The following ARFIP1 variants were observed in gnomAD, a reference collection of about 807,000 sequenced individuals.
The protein encoded by ARFIP1 is arfaptin-1.
A neutral mutation model predicts 42.5 loss-of-function variants in ARFIP1; 24 were observed. That is an observed-to-expected ratio of 0.57 (90% confidence interval 0.41 to 0.80). ARFIP1 has a LOEUF of 0.80. ARFIP1 is among the 30% of genes least tolerant of loss of function. The pLI is 0.00. For synonymous variants in ARFIP1, 141 were observed against 153.7 expected, an observed-to-expected ratio of 0.92 and a Z score of 0.61; for missense variants, 354 against 434.0, an observed-to-expected ratio of 0.82 and a Z score of 1.64.
At position 152,888,296 on chromosome 4, in the gene ARFIP1, GAAGAA is replaced by G; in HGVS notation, c.958_962del (p.Glu320Ter). On this transcript the variant is annotated frameshift_variant, in exon 8 of 9. Transcript: ENST00000353617. LOFTEE classifies it high-confidence loss of function. The stretch of plus-strand genomic sequence containing the variant: ...TGTTTCTGTCAAATTGAAATTTCTA[GAAGAA>G]AATAAGGTAAATTCTTTACCTTCTA... The G allele has an allele frequency of 6.2e-7, 1 of 1,602,496 alleles. No individual in the cohort carries two copies. Among genetic ancestry groups the G allele is most frequent in the Non-Finnish European group, 8.5e-7 (1 of 1,174,160 alleles).
In ARFIP1 at chr4:152,912,220, A is replaced by G. The variant is rs1021853198; in HGVS notation, c.*2001A>G. 1.3e-5 allele frequency: 2 copies of G among 152,170 alleles called. No individual in the cohort carries two copies. Among genetic ancestry groups the G allele is most frequent in the African/African-American group, 4.8e-5 (2 of 41,448 alleles). The allele number at this position is 152,170 out of a possible 1,614,324, so 9.4% of individuals were successfully genotyped here. A position where few individuals can be genotyped will look rare whatever the true frequency, so the allele number is the denominator to read the frequency against. On this transcript the variant is annotated 3_prime_UTR_variant, in exon 9 of 9. Transcript: ENST00000353617. Reference sequence around the variant, plus strand: ...CATGACCAAAAGAAAAAAGTAAATCAATATATTTAGCCAATGGTACATTTA... The same window carrying G: ...CATGACCAAAAGAAAAAAGTAAATCGATATATTTAGCCAATGGTACATTTA...
At chr4:152,840,368 T>C (rs1306795470) in intron 2 of ARFIP1, among the ~76,000 whole-genome samples, 2 of 152,186 alleles carry the variant, frequency 1.3e-5, no homozygotes, top group African/African-American at 2.4e-5. Flanking sequence ...CCCACTATTA[T>C]TGTGTTGCTG....
At chr4:152,796,970 A>G (rs1731508276) in intron 1 of ARFIP1, 1 of 247,210 alleles carries the variant, frequency 4.0e-6, no homozygotes, top group Non-Finnish European at 7.6e-6. Flanking sequence ...TTTGCTTTGC[A>G]TGTACTATGT....
chr4:152,781,394 G>T (rs1241180579), intron 1 of ARFIP1, among the ~76,000 whole-genome samples: 1 of 151,866 alleles, frequency 6.6e-6, no homozygotes, highest in African/African-American at 2.4e-5. Context: ...CGCCACTACC[G>T]CCTAGCTAAT....
At chr4:152,823,461 G>T (rs1036004957) in intron 1 of ARFIP1, among the ~76,000 whole-genome samples, 1 of 152,162 alleles carries the variant, frequency 6.6e-6, no homozygotes, top group Admixed American at 6.5e-5. Flanking sequence ...GGAGACAGCT[G>T]AATTCTACCA....
chr4:152,864,913 CTTTTTTTTTTTT>C (rs34123163), intron 3 of ARFIP1, among the ~76,000 whole-genome samples: 1 of 112,484 alleles, frequency 8.9e-6, no homozygotes, highest in Non-Finnish European at 1.8e-5. Flanking sequence ...CTTTTTTAAA[CTTTTTTTTTTTT>C]TTTTTTTTTT....
At chr4:152,811,098 T>G (rs1561114341) in intron 1 of ARFIP1, among the ~76,000 whole-genome samples, 1 of 150,598 alleles carries the variant, frequency 6.6e-6, no homozygotes, top group Non-Finnish European at 1.5e-5. Flanking sequence ...GCCTTTTTTT[T>G]TTTTTTTTTT....
chr4:152,907,205 G>C (rs943735333), intron 8 of ARFIP1, among the ~76,000 whole-genome samples: 2 of 152,170 alleles, frequency 1.3e-5, no homozygotes, highest in Admixed American at 6.5e-5. Flanking sequence ...GTATGACCCT[G>C]TGTAATATTT....
chr4:152,825,098 A>C (rs533189051), intron 1 of ARFIP1, among the ~76,000 whole-genome samples: 3 of 152,204 alleles, frequency 2.0e-5, no homozygotes, highest in Non-Finnish European at 4.4e-5. Context: ...GAATGAAAAT[A>C]CATTCCATAA....
intron 2 of ARFIP1, among the ~76,000 whole-genome samples, chr4:152,838,052 GTTA>G (rs1731791565): frequency 6.6e-6 from 1 of 152,036 alleles, no homozygotes; most frequent in African/African-American, 2.4e-5. Context: ...CCCACTTTAT[GTTA>G]TTGTTTGCTT....
chr4:152,824,566 A>C (rs1730662803), intron 1 of ARFIP1, among the ~76,000 whole-genome samples: 1 of 152,194 alleles, frequency 6.6e-6, no homozygotes, highest in South Asian at 2.1e-4. Flanking sequence ...TATGTGACAC[A>C]CTCAACAGCC....
chr4:152,892,214 C>T (rs1041832698), intron 8 of ARFIP1, among the ~76,000 whole-genome samples: 5 of 152,246 alleles, frequency 3.3e-5, no homozygotes, highest in Admixed American at 2.6e-4. Flanking sequence ...GCTAGTCATC[C>T]TATTTCTTAA....
intron 1 of ARFIP1, among the ~76,000 whole-genome samples, chr4:152,800,213 T>C (rs375553784): frequency 1.1e-4 from 16 of 152,198 alleles, no homozygotes; most frequent in African/African-American, 3.9e-4. Flanking sequence ...AGTATTCTAC[T>C]AATTTAAACC....
intron 1 of ARFIP1, among the ~76,000 whole-genome samples, chr4:152,802,022 T>C (rs1728460736): frequency 6.6e-6 from 1 of 152,212 alleles, no homozygotes; most frequent in Non-Finnish European, 1.5e-5. Flanking sequence ...ACCTAATAGT[T>C]TTGAACCATG....
At chr4:152,843,084 TC>T (rs1380131150) in intron 2 of ARFIP1, among the ~76,000 whole-genome samples, 1 of 152,100 alleles carries the variant, frequency 6.6e-6, no homozygotes, top group Non-Finnish European at 1.5e-5. Flanking sequence ...AGGCTGTCGT[TC>T]AGATTTTTTT....
intron 7 of ARFIP1, among the ~76,000 whole-genome samples, chr4:152,887,079 G>A (rs1736323182): frequency 2.0e-5 from 3 of 151,916 alleles, no homozygotes; most frequent in Admixed American, 6.6e-5. Flanking sequence ...TAGTTTTAGG[G>A]TATAAGCTTT....
At chr4:152,815,738 C>CTTTTTTTTT (rs1218298842) in intron 1 of ARFIP1, among the ~76,000 whole-genome samples, 2 of 85,548 alleles carry the variant, frequency 2.3e-5, no homozygotes, top group African/African-American at 8.8e-5. Flanking sequence ...CTGACCACTT[C>CTTTTTTTTT]TTTTTTTTTT....
intron 2 of ARFIP1, among the ~76,000 whole-genome samples, chr4:152,858,241 C>T (rs1284157175): frequency 2.0e-5 from 3 of 152,038 alleles, no homozygotes; most frequent in African/African-American, 7.2e-5. Flanking sequence ...ACAGTGGGCC[C>T]AGATCACACC....
intron 1 of ARFIP1, chr4:152,810,036 G>C (rs2149831910): frequency 6.6e-6 from 1 of 152,292 alleles, no homozygotes; most frequent in Admixed American, 6.5e-5. Flanking sequence ...TCAGTTTTTT[G>C]TTTATGAATA....
Sources: gnomAD v4.1 joint callset for allele counts (sites outside exome capture counted in the v4.1 genomes callset) on GRCh38, gnomAD v4.1.1 for gene constraint, MANE v1.5 for transcripts, NCBI Gene and HGNC (gene_info 2026-07-23, HGNC 2026-07-21) for gene names.